LGALS3BP: variants seen among roughly 807,000 people sequenced by gnomAD.
LGALS3BP encodes the protein galectin 3 binding protein.
In LGALS3BP, 25 loss-of-function variants were observed where a neutral mutation model predicts 22.9. That is an observed-to-expected ratio of 1.09 (90% CI 0.80 to 1.53). The LOEUF (loss-of-function observed/expected upper bound fraction) is 1.53. LGALS3BP is among the 40% of genes most tolerant of loss of function. The pLI, the probability that LGALS3BP is intolerant of heterozygous loss-of-function variation, is 0.00. For synonymous variants in LGALS3BP, 335 were observed against 331.1 expected, an observed-to-expected ratio of 1.01 and a Z score of -0.13; for missense variants, 718 against 752.0, an observed-to-expected ratio of 0.95 and a Z score of 0.53.
Position 78,976,249 on chromosome 17 carries a change from C to T in LGALS3BP, c.53-93G>A. The T allele has an allele frequency of 8.6e-7, 1 of 1,167,638 alleles. No individual in the cohort carries two copies. Among genetic ancestry groups the T allele is most frequent in the Non-Finnish European group, 1.2e-6 (1 of 854,332 alleles). 72.3% of individuals were successfully genotyped at this position (1,167,638 alleles called of 1,614,324 possible). ...CATATGCTGTCCTGGGTCTCCCCTG[C>T]TGAGCTTGTATTTCAGGGCTTCAAG... On this transcript the variant is annotated intron_variant, in intron 2 of 5. Transcript: ENST00000262776. This position sits in a 1 kb window ranked among gnomAD's most constrained non-coding sequence, Gnocchi z 4.6.
chr17:78,973,953 C>G lies in LGALS3BP; in HGVS notation c.377-731G>C, dbSNP rs931130425. 6.6e-6 allele frequency among the ~76,000 whole-genome samples: 1 copy of G among 152,240 alleles called. No individual in the cohort carries two copies. The highest frequency in any genetic ancestry group is 6.5e-5 in the Admixed American group (1 of 15,290). ...TCCTGCCCCAGGAGCTTTGGCCGTG[C>G]GCCCATGGCCCCGTGTGCTCCCCGC... On this transcript the variant is annotated intron_variant, in intron 4 of 5. Coordinates refer to ENST00000262776, the MANE Select transcript of LGALS3BP (RefSeq NM_005567.4). This position sits in a 1 kb window ranked among gnomAD's most constrained non-coding sequence, Gnocchi z 5.8.
At chr17:78,975,663 G>T (rs1179477026) in intron 3 of LGALS3BP, among the ~76,000 whole-genome samples, 1 of 151,772 alleles carries the variant, frequency 6.6e-6, no homozygotes, top group African/African-American at 2.4e-5. Flanking sequence ...ATGGTGGCAG[G>T]TACCTGTAAT....
In LGALS3BP at chr17:78,972,102, GA is replaced by G. The variant is rs754886648; in HGVS notation, c.1231del (p.Ser411ArgfsTer8). The G allele has an allele frequency of 2.8e-5, 45 of 1,613,356 alleles. No homozygotes were observed. The African/African-American group carries it at 5.6e-4, about 20-fold the overall frequency. ...EDTYKPRIYT[S>X]PTWSAFVTDS... ...TGTCACAAAGGCACTCCAGGTGGGC[GA>G]GGTGTAAATCCGGGGCTTGTAGGTA... is the stretch of plus-strand genomic sequence containing the variant. On this transcript the variant is annotated frameshift_variant, in exon 6 of 6. Coordinates refer to ENST00000262776, the MANE Select transcript of LGALS3BP (RefSeq NM_005567.4). LOFTEE classifies it low-confidence loss of function (END_TRUNC). This position sits in a 1 kb window ranked among gnomAD's most constrained non-coding sequence, Gnocchi z 5.1.
At chr17:78,975,307 G>A (rs932304897) in intron 3 of LGALS3BP, among the ~76,000 whole-genome samples, 1 of 152,194 alleles carries the variant, frequency 6.6e-6, no homozygotes, top group African/African-American at 2.4e-5. Context: ...TGCTGTGTCA[G>A]TGGAAATCTT....
Position 78,972,058 on chromosome 17 carries a change from G to A in LGALS3BP, c.1276C>T (p.Arg426Trp), listed in dbSNP as rs770329420. The change falls in exon 6 of 6, where the codon CGG becomes TGG. Residue 426 changes from arginine (R) to tryptophan (W), a missense_variant. Transcript: ENST00000262776. The surrounding 1 kb of genome is among the most constrained non-coding windows in gnomAD (Gnocchi z 5.1). ...GACTGATAGACCAGTTGTGACTTCC[G>A]TGCACTCCAGGAACTGTCTGTCACA... Reference protein sequence around the residue: ...AFVTDSSWSARKSQLVYQSRR... With the variant: ...AFVTDSSWSAWKSQLVYQSRR... 2.5e-5 allele frequency: 40 copies of A among 1,613,880 alleles called. No individual in the cohort carries two copies. Among genetic ancestry groups the A allele is most frequent in the Admixed American group, 3.3e-5 (2 of 59,984 alleles).
chr17:78,972,894 G>GTT lies in LGALS3BP; in HGVS notation c.629+75_629+76insAA. 1 of 1,527,216 alleles carries GTT rather than the reference G, an allele frequency of 6.5e-7. No homozygotes were observed. The highest frequency in any genetic ancestry group is 8.8e-7 in the Non-Finnish European group (1 of 1,131,124). 94.6% of individuals were successfully genotyped at this position (1,527,216 alleles called of 1,614,324 possible). ...CATGAGTATGTGCAGGTGTGTGTGT[G>GTT]GGGGGCTGTGCTTTTGAAGAGGGGA... On this transcript the variant is annotated intron_variant, in intron 5 of 5. Transcript: ENST00000262776. This position sits in a 1 kb window ranked among gnomAD's most constrained non-coding sequence, Gnocchi z 5.1.
At chr17:78,974,660 C>T in intron 4 of LGALS3BP, 28 bp downstream of exon 4, 1 of 1,605,016 alleles carries the variant, frequency 6.2e-7, no homozygotes, top group Non-Finnish European at 8.5e-7. Context: ...ACACTGGGGC[C>T]TCCGCAGGGA....
rs529021582 is a variant in LGALS3BP, at chr17:78,975,580, G to A, written c.244+385C>T. ...TGAGGCGGGCGGATCACTTGACACC[G>A]GAAGTTTAAAAACCAGCCTGGCCAA... On this transcript the variant is annotated intron_variant, in intron 3 of 5. Transcript: ENST00000262776. 2.0e-5 allele frequency among the ~76,000 whole-genome samples: 3 copies of A among 151,942 alleles called. No individual in the cohort carries two copies. The South Asian group carries it at 6.2e-4, about 32-fold the overall frequency.
At chr17:78,977,968 C>A (rs1220255546) in intron 1 of LGALS3BP, among the ~76,000 whole-genome samples, 2 of 152,206 alleles carry the variant, frequency 1.3e-5, no homozygotes. Context: ...GCCTGGTGTT[C>A]TTGCCTCCGT....
chr17:78,971,569 ACG>A lies in LGALS3BP; in HGVS notation c.*5_*6del. 3 of 1,608,302 alleles carry A rather than the reference ACG, an allele frequency of 1.9e-6. No homozygotes were observed. Among genetic ancestry groups the A allele is most frequent in the Non-Finnish European group, 2.5e-6 (3 of 1,176,730 alleles). On this transcript the variant is annotated 3_prime_UTR_variant, in exon 6 of 6. Transcript: ENST00000262776. This position sits in a 1 kb window ranked among gnomAD's most constrained non-coding sequence, Gnocchi z 5.6. ...CTCCGGTTCTCACCACCCTTGGGCCACGCCGTCTAGTCCACACCTGAGGAGTT... is the reference window on the plus strand; with the variant it reads ...CTCCGGTTCTCACCACCCTTGGGCCACCGTCTAGTCCACACCTGAGGAGTT...
At chr17:78,977,060 T>A (rs2145825324) in intron 2 of LGALS3BP, 80 bp downstream of exon 2, 1 of 1,480,704 alleles carries the variant, frequency 6.8e-7, no homozygotes, top group East Asian at 2.3e-5. Context: ...GCAGAATATC[T>A]CCTTGAAGCT....
rs1425489331 is a variant in LGALS3BP at position 78,976,379 on chromosome 17, A to C, written c.53-223T>G. Among the ~76,000 whole-genome samples, 2 of 152,120 alleles carry C rather than the reference A, an allele frequency of 1.3e-5. No homozygotes were observed. The highest frequency in any genetic ancestry group is 4.8e-5 in the African/African-American group (2 of 41,424). On this transcript the variant is annotated intron_variant, in intron 2 of 5. Coordinates refer to ENST00000262776, the MANE Select transcript of LGALS3BP (RefSeq NM_005567.4). This position sits in a 1 kb window ranked among gnomAD's most constrained non-coding sequence, Gnocchi z 4.6. ...GGCCAAACTCGCCTTTCCTTGTTTTAGGGGTCTCAGCCCTTCACTCCATAG... is the reference window on the plus strand; with the variant it reads ...GGCCAAACTCGCCTTTCCTTGTTTTCGGGGTCTCAGCCCTTCACTCCATAG...
intron 1 of LGALS3BP, 98 bp from the exon 2 acceptor site, chr17:78,977,312 T>TGAA: frequency 3.1e-6 from 3 of 954,554 alleles, no homozygotes; most frequent in Non-Finnish European, 4.7e-6. Context: ...CAACCTGGGC[T>TGAA]GTGTGGCAGG....
rs1353855463 is a variant in LGALS3BP at position 78,971,988 on chromosome 17, G to C, written c.1346C>G (p.Ala449Gly). The change falls in exon 6 of 6, where the codon GCC (alanine) becomes GGC (glycine). Residue 449 changes from alanine to glycine, a missense_variant. By Grantham distance (60) the Ala-to-Gly change is moderately conservative. Coordinates refer to ENST00000262776, the MANE Select transcript of LGALS3BP (RefSeq NM_005567.4). The surrounding 1 kb of genome is among the most constrained non-coding windows in gnomAD (Gnocchi z 5.6). ...LVKYSSDYFQ[A>G]PSDYRYYPYQ... ...GGGGTAGTATCTGTAGTCAGAGGGG[G>C]CTTGGAAGTAATCAGAAGAATATTT... 3 of 1,614,092 alleles carry C rather than the reference G, an allele frequency of 1.9e-6. No individual in the cohort carries two copies. Among genetic ancestry groups the C allele is most frequent in the Non-Finnish European group, 2.5e-6 (3 of 1,180,008 alleles).
chr17:78,975,387 C>T (rs1010110813), intron 3 of LGALS3BP, among the ~76,000 whole-genome samples: 40 of 152,216 alleles, frequency 2.6e-4, no homozygotes, highest in Non-Finnish European at 4.9e-4. Flanking sequence ...GTTTCTGGGC[C>T]GGAGGGAACG....
In LGALS3BP at chr17:78,973,330, A is replaced by T. The variant is rs1298774370; in HGVS notation, c.377-108T>A. 7.8e-7 allele frequency: 1 copy of T among 1,278,898 alleles called. No homozygotes were observed. 79.2% of individuals were successfully genotyped at this position (1,278,898 alleles called of 1,614,324 possible). A position where few individuals can be genotyped will look rare whatever the true frequency, so the allele number is the denominator to read the frequency against. ...TGAGGGATTTGTGGCTGCCTCATTCACTCTGGAAGGCTCCTGGGAAGACGA... is the reference window on the plus strand; with the variant it reads ...TGAGGGATTTGTGGCTGCCTCATTCTCTCTGGAAGGCTCCTGGGAAGACGA... On this transcript the variant is annotated intron_variant, in intron 4 of 5. Transcript: ENST00000262776. The surrounding 1 kb of genome is among the most constrained non-coding windows in gnomAD (Gnocchi z 5.8).
rs1241810667 is a variant in LGALS3BP at position 78,973,476 on chromosome 17, C to G, written c.377-254G>C. On this transcript the variant is annotated intron_variant, in intron 4 of 5. Coordinates refer to ENST00000262776, the MANE Select transcript of LGALS3BP (RefSeq NM_005567.4). This position sits in a 1 kb window ranked among gnomAD's most constrained non-coding sequence, Gnocchi z 5.8. Reference sequence around the variant, plus strand: ...TGTCCAGGCCCCCGCTTTAGGCCCTCTGCTCTGTGCTGCTCCCCCGACTCA... The same window carrying G: ...TGTCCAGGCCCCCGCTTTAGGCCCTGTGCTCTGTGCTGCTCCCCCGACTCA... The G allele has an allele frequency of 4.6e-6, 2 of 431,800 alleles. No individual in the cohort carries two copies. Among genetic ancestry groups the G allele is most frequent in the African/African-American group, 3.9e-5 (2 of 50,980 alleles). 26.7% of individuals were successfully genotyped at this position (431,800 alleles called of 1,614,324 possible).
chr17:78,971,756 G>A lies in LGALS3BP; in HGVS notation c.1578C>T (p.Cys526=), dbSNP rs775100359. ...IAYENKALML[C]EGLFVADVTD... Reference sequence around the variant, plus strand: ...TGACGTCTGCCACGAAGAGCCCTTCGCAGAGCATCAGGGCTTTGTTTTCGT... The same window carrying A: ...TGACGTCTGCCACGAAGAGCCCTTCACAGAGCATCAGGGCTTTGTTTTCGT... Residue 526 remains cysteine, a synonymous_variant, in exon 6 of 6, where the codon TGC becomes TGT. Coordinates refer to ENST00000262776, the MANE Select transcript of LGALS3BP (RefSeq NM_005567.4). This position sits in a 1 kb window ranked among gnomAD's most constrained non-coding sequence, Gnocchi z 5.6. 6.8e-6 allele frequency: 11 copies of A among 1,614,100 alleles called. No individual in the cohort carries two copies. The highest frequency in any genetic ancestry group is 1.3e-5 in the African/African-American group (1 of 75,058).
At position 78,971,580 on chromosome 17, in the gene LGALS3BP, T is replaced by C. The variant is rs754917355; in HGVS notation, c.1754A>G (p.Asp585Gly). ...ACCACCCTTGGGCCACGCCGTCTAG[T>C]CCACACCTGAGGAGTTGGTCAGGTA... ...PFYLTNSSGVD is the reference protein window; with the variant it reads ...PFYLTNSSGVG Residue 585 changes from aspartate to glycine, a missense_variant, in exon 6 of 6, where the codon GAC becomes GGC. Asp to Gly is a moderately conservative substitution (Grantham distance 94, BLOSUM62 -1). Coordinates refer to ENST00000262776, the MANE Select transcript of LGALS3BP (RefSeq NM_005567.4). The surrounding 1 kb of genome is among the most constrained non-coding windows in gnomAD (Gnocchi z 5.6). The C allele has an allele frequency of 5.0e-6, 8 of 1,612,764 alleles. 1 individual carries two copies. The South Asian group carries it at 7.7e-5, about 16-fold the overall frequency.
Sources: gnomAD v4.1 joint callset for allele counts (sites outside exome capture counted in the v4.1 genomes callset) on GRCh38, gnomAD v4.1.1 for gene constraint, Gnocchi (gnomAD v3.1) non-coding constraint, MANE v1.5 for transcripts, NCBI Gene and HGNC (gene_info 2026-07-23, HGNC 2026-07-21) for gene names.